Variants in CDH20 observed in about 807,000 individuals in gnomAD.
CDH20 encodes cadherin 20, also known as cadherin-20.
In CDH20, 29 loss-of-function variants were observed where a neutral mutation model predicts 74.2. The observed-to-expected ratio is 0.39, with a 90% CI of 0.29 to 0.53. The LOEUF is 0.53. Among genes scored for constraint, CDH20 ranks in the 20% least tolerant of loss-of-function variants. The pLI, the probability that CDH20 is intolerant of heterozygous loss-of-function variation, is 0.69. For synonymous variants in CDH20, 469 were observed against 405.4 expected, an observed-to-expected ratio of 1.16 and a Z score of -1.88; for missense variants, 988 against 1,048.3, an observed-to-expected ratio of 0.94 and a Z score of 0.79.
intron 1 of CDH20, among the ~76,000 whole-genome samples, chr18:61,377,647 CCTTT>C (rs1032587087): frequency 1.3e-5 from 2 of 152,000 alleles, no homozygotes; most frequent in Non-Finnish European, 2.9e-5. Flanking sequence ...CGCACACATC[CCTTT>C]TTTTAGTAAA....
chr18:61,458,650 G>T (rs2332330), intron 1 of CDH20, among the ~76,000 whole-genome samples: 1 of 151,988 alleles, frequency 6.6e-6, no homozygotes, highest in Non-Finnish European at 1.5e-5. Context: ...CTGAACAGAC[G>T]CTAAAGGGCC....
chr18:61,385,426 T>C (rs571194419), intron 1 of CDH20, among the ~76,000 whole-genome samples: 8 of 152,144 alleles, frequency 5.3e-5, no homozygotes, highest in Middle Eastern at 3.4e-3. Flanking sequence ...TAAGCATAAA[T>C]ATATGAAAGG....
chr18:61,395,664 T>C (rs1004434430), intron 1 of CDH20, among the ~76,000 whole-genome samples: 2 of 152,246 alleles, frequency 1.3e-5, no homozygotes, highest in Non-Finnish European at 2.9e-5. Context: ...TTTTGTCATA[T>C]GTGCTTTGTA....
intron 1 of CDH20, among the ~76,000 whole-genome samples, chr18:61,370,580 T>C (rs1911000852): frequency 6.6e-6 from 1 of 152,144 alleles, no homozygotes; most frequent in South Asian, 2.1e-4. Flanking sequence ...CACAAACTGA[T>C]TAAAACAACT....
intron 1 of CDH20, among the ~76,000 whole-genome samples, chr18:61,411,509 G>A (rs1311915924): frequency 6.7e-6 from 1 of 150,300 alleles, no homozygotes; most frequent in African/African-American, 2.5e-5. Flanking sequence ...CAACCCAAAT[G>A]CCCATCAATC....
chr18:61,407,431 G>A (rs1912367027), intron 1 of CDH20, among the ~76,000 whole-genome samples: 1 of 152,214 alleles, frequency 6.6e-6, no homozygotes, highest in Admixed American at 6.5e-5. Context: ...TTGGGGTGGG[G>A]GAAGTCCTTC....
chr18:61,497,721 A>G (rs576788926), intron 2 of CDH20, among the ~76,000 whole-genome samples: 1 of 152,312 alleles, frequency 6.6e-6, no homozygotes, highest in East Asian at 1.9e-4. Context: ...CACACTTATA[A>G]GGAAATTAAT....
At chr18:61,482,256 A>T (rs1180335711) in intron 1 of CDH20, among the ~76,000 whole-genome samples, 1 of 152,184 alleles carries the variant, frequency 6.6e-6, no homozygotes, top group Non-Finnish European at 1.5e-5. Flanking sequence ...AGAATGATGA[A>T]TTTTTTATTC....
At chr18:61,337,188 C>A (rs978015450) in intron 1 of CDH20, among the ~76,000 whole-genome samples, 3 of 152,096 alleles carry the variant, frequency 2.0e-5, no homozygotes, top group Non-Finnish European at 4.4e-5. Flanking sequence ...TTTGGGAAAT[C>A]CTCGTTATTT....
chr18:61,447,079 T>G (rs1909226876), intron 1 of CDH20, among the ~76,000 whole-genome samples: 1 of 152,224 alleles, frequency 6.6e-6, no homozygotes, highest in Admixed American at 6.5e-5. Context: ...GTTCTATATT[T>G]TTCTGGGGCC....
rs77184159 is a variant in CDH20 at position 61,356,455 on chromosome 18, A to G, written c.-153+22628A>G. ...AACAAAATCTTACACCTTTAATAAT[A>G]CTAAAATGAAGGTTATATTATCTCT... On this transcript the variant is annotated intron_variant, in intron 1 of 11. Transcript: ENST00000262717. Among the ~76,000 whole-genome samples, 1,258 of 152,318 alleles carry G rather than the reference A, an allele frequency of 8.3e-3. 25 individuals carry two copies. Among genetic ancestry groups the G allele is most frequent in the African/African-American group, 0.029 (1,198 of 41,568 alleles).
chr18:61,378,107 G>T (rs759701253), intron 1 of CDH20, among the ~76,000 whole-genome samples: 1 of 152,128 alleles, frequency 6.6e-6, no homozygotes, highest in Non-Finnish European at 1.5e-5. Flanking sequence ...AGAACAGATT[G>T]CTCACTATTG....
intron 1 of CDH20, among the ~76,000 whole-genome samples, chr18:61,334,797 C>T (rs1212423792): frequency 6.6e-6 from 1 of 152,086 alleles, no homozygotes; most frequent in African/African-American, 2.4e-5. Flanking sequence ...GGGAGTTGGT[C>T]GCCTGGTAGA....
intron 1 of CDH20, among the ~76,000 whole-genome samples, chr18:61,374,460 T>C (rs1479893524): frequency 6.6e-6 from 1 of 151,886 alleles, no homozygotes; most frequent in African/African-American, 2.4e-5. Context: ...TACAAAAGAG[T>C]ATATAGAAAC....
chr18:61,391,002 T>C (rs1259202093), intron 1 of CDH20, among the ~76,000 whole-genome samples: 2 of 151,904 alleles, frequency 1.3e-5, no homozygotes, highest in Non-Finnish European at 2.9e-5. Context: ...AATATACATA[T>C]GGTAAAAGCA....
intron 1 of CDH20, among the ~76,000 whole-genome samples, chr18:61,370,635 T>G (rs1469610213): frequency 6.6e-6 from 1 of 152,134 alleles, no homozygotes; most frequent in Non-Finnish European, 1.5e-5. Context: ...TTCTCTTTTG[T>G]TTTGTGGTGA....
At position 61,555,191 on chromosome 18, in the gene CDH20, G is replaced by A. The variant is rs74511628; in HGVS notation, c.*496G>A. 1.9e-3 allele frequency: 1,857 copies of A among 976,248 alleles called. 17 individuals are homozygous for A. The African/African-American group carries it at 0.029, about 15-fold the overall frequency. The allele number at this position is 976,248 out of a possible 1,614,324, so 60.5% of individuals were successfully genotyped here. A position where few individuals can be genotyped will look rare whatever the true frequency, so the allele number is the denominator to read the frequency against. ...AAGAACAAAAAACTTGTTACTCAGT[G>A]AAATTAACCTACTTGTTCTGGGATG... On this transcript the variant is annotated 3_prime_UTR_variant, in exon 12 of 12. Transcript: ENST00000262717.
intron 7 of CDH20, among the ~76,000 whole-genome samples, chr18:61,535,891 A>T (rs1912802413): frequency 6.6e-6 from 1 of 152,208 alleles, no homozygotes; most frequent in African/African-American, 2.4e-5. Context: ...ACAGTAAACA[A>T]CCTAGCCAGA....
intron 1 of CDH20, among the ~76,000 whole-genome samples, chr18:61,438,834 C>T (rs1908926405): frequency 6.6e-6 from 1 of 151,994 alleles, no homozygotes; most frequent in Admixed American, 6.6e-5. Context: ...ATTCGCAATA[C>T]CAAAGACATG....
Sources: allele counts gnomAD v4.1 joint callset (sites outside exome capture counted in the v4.1 genomes callset), GRCh38; gene constraint gnomAD v4.1.1; transcripts MANE v1.5; gene names NCBI Gene and HGNC (gene_info 2026-07-23, HGNC 2026-07-21).